The following CYFIP2 variants were observed in gnomAD, a reference collection of about 807,000 sequenced individuals.
CYFIP2 encodes the protein cytoplasmic FMR1 interacting protein 2.
Under a neutral mutation model 158.7 loss-of-function variants are expected in CYFIP2, and 29 were observed. That is an observed-to-expected ratio of 0.18 (90% CI 0.14 to 0.25). The LOEUF is 0.25. Among genes scored for constraint, CYFIP2 ranks in the 10% least tolerant of loss-of-function variants. The probability of loss-of-function intolerance (pLI) is 1.00; values close to 1 mark genes in which losing one functional copy is unlikely to be tolerated. For synonymous variants in CYFIP2, 585 were observed against 617.6 expected (o/e 0.95, Z 0.78); for missense variants, 852 against 1,639.5 (o/e 0.52, Z 8.29).
chr5:157,331,750 T>C (rs535033304), intron 20 of CYFIP2, among the ~76,000 whole-genome samples: 1 of 152,344 alleles, frequency 6.6e-6, no homozygotes, highest in Non-Finnish European at 1.5e-5. Context: ...GGATATTAAA[T>C]ACTGAGGGCT....
intron 17 of CYFIP2, 57 bp from the exon 18 acceptor site, chr5:157,326,114 C>A: frequency 7.9e-7 from 1 of 1,258,110 alleles, no homozygotes; most frequent in Non-Finnish European, 1.2e-6. Context: ...AAGTATAAAG[C>A]TGTCTTCCTT....
At chr5:157,381,363 A>T (rs540712756) in intron 26 of CYFIP2, among the ~76,000 whole-genome samples, 15 of 56,494 alleles carry the variant, frequency 2.7e-4, no homozygotes, top group South Asian at 2.0e-3. Context: ...TAGGTATGAT[A>T]AAAAAAAAAA....
intron 26 of CYFIP2, chr5:157,377,097 C>T (rs1765558701): frequency 6.5e-6 from 2 of 308,716 alleles, no homozygotes; most frequent in African/African-American, 4.5e-5. Context: ...TACTCCTGGC[C>T]CTGCTTTCTC....
intron 28 of CYFIP2, among the ~76,000 whole-genome samples, chr5:157,387,859 A>G (rs1453128186): frequency 6.6e-6 from 1 of 152,060 alleles, no homozygotes; most frequent in Non-Finnish European, 1.5e-5. Flanking sequence ...TCTTTTTCCT[A>G]GATTTCTTTC....
chr5:157,367,502 T>C (rs963335941), intron 26 of CYFIP2, among the ~76,000 whole-genome samples: 1 of 152,176 alleles, frequency 6.6e-6, no homozygotes, highest in African/African-American at 2.4e-5. Flanking sequence ...AGATGTGCCT[T>C]GGAGTCCAAA....
At chr5:157,270,168 G>T (rs950561946) in intron 1 of CYFIP2, among the ~76,000 whole-genome samples, 9 of 152,210 alleles carry the variant, frequency 5.9e-5, no homozygotes, top group African/African-American at 2.2e-4. Flanking sequence ...ACCCAGTGAT[G>T]ACTTCATCAG....
chr5:157,270,622 C>G (rs1002608405), intron 1 of CYFIP2, among the ~76,000 whole-genome samples: 2 of 152,080 alleles, frequency 1.3e-5, no homozygotes, highest in African/African-American at 4.8e-5. Context: ...AGAGGTCAGC[C>G]CCCTATCTCC....
At chr5:157,365,658 G>T (rs924453342) in intron 26 of CYFIP2, among the ~76,000 whole-genome samples, 2 of 151,672 alleles carry the variant, frequency 1.3e-5, no homozygotes, top group African/African-American at 4.8e-5. Context: ...TACCATAGAT[G>T]GTTCTTTCAT....
intron 22 of CYFIP2, 25 bp downstream of exon 22, chr5:157,339,281 G>T (rs371638826): frequency 5.6e-6 from 9 of 1,599,372 alleles, no homozygotes; most frequent in Non-Finnish European, 6.8e-6. Flanking sequence ...GTGCAGAGGG[G>T]GCCGGGTGGG....
intron 15 of CYFIP2, among the ~76,000 whole-genome samples, chr5:157,323,286 G>C (rs1326720068): frequency 6.6e-6 from 1 of 152,336 alleles, no homozygotes; most frequent in East Asian, 1.9e-4. Context: ...AGGCTGTGCA[G>C]TGCAGCTGAT....
chr5:157,328,058 G>A lies in CYFIP2; in HGVS notation c.2156+9G>A. The stretch of plus-strand genomic sequence containing the variant: ...AAAGCCATGGCTGGCAGGTAGGAAA[G>A]CCCCAGAGCTGTGAGTAGCAATCTC... On this transcript the variant is annotated intron_variant, in intron 19 of 30. Transcript: ENST00000620254. The A allele has an allele frequency of 6.2e-7, 1 of 1,613,398 alleles. No homozygotes were observed. Among genetic ancestry groups the A allele is most frequent in the South Asian group, 1.1e-5 (1 of 91,000 alleles).
chr5:157,392,727 G>A (rs76406170), intron 30 of CYFIP2, 106 bp from the exon 31 acceptor site: 1 of 1,243,482 alleles, frequency 8.0e-7, no homozygotes, highest in East Asian at 2.4e-5. Flanking sequence ...AAAGTGACAT[G>A]ATCACTGATG....
intron 23 of CYFIP2, among the ~76,000 whole-genome samples, chr5:157,351,477 T>C (rs972210876): frequency 3.3e-5 from 5 of 152,222 alleles, no homozygotes; most frequent in African/African-American, 9.7e-5. Flanking sequence ...ACTCAGAAAC[T>C]TGGGAACTTT....
chr5:157,381,961 G>T (rs979791491), intron 26 of CYFIP2, among the ~76,000 whole-genome samples: 3 of 151,410 alleles, frequency 2.0e-5, no homozygotes, highest in Non-Finnish European at 4.4e-5. Flanking sequence ...AGGACAGTAA[G>T]CCCATGAGAC....
At chr5:157,337,687 G>A (rs1761959108) in intron 21 of CYFIP2, among the ~76,000 whole-genome samples, 1 of 152,328 alleles carries the variant, frequency 6.6e-6, no homozygotes, top group South Asian at 2.1e-4. Flanking sequence ...TTGAATCCTT[G>A]GCATGAGGCT....
At chr5:157,290,457 G>A (rs1757727310) in intron 3 of CYFIP2, among the ~76,000 whole-genome samples, 1 of 152,140 alleles carries the variant, frequency 6.6e-6, no homozygotes, top group African/African-American at 2.4e-5. Flanking sequence ...TTTTGCTTAT[G>A]AGTACCTTGT....
chr5:157,366,321 T>C (rs1304759700), intron 26 of CYFIP2, among the ~76,000 whole-genome samples: 3 of 152,236 alleles, frequency 2.0e-5, no homozygotes, highest in Non-Finnish European at 4.4e-5. Flanking sequence ...TATGGATACA[T>C]GTATTGCAGA....
intron 2 of CYFIP2, among the ~76,000 whole-genome samples, chr5:157,286,711 A>G (rs1264646169): frequency 6.6e-6 from 1 of 152,164 alleles, no homozygotes. Flanking sequence ...TGCCGAATCA[A>G]AGCAATGCAC....
intron 4 of CYFIP2, 24 bp downstream of exon 4, chr5:157,294,884 C>T (rs763395154): frequency 6.2e-7 from 1 of 1,600,354 alleles, no homozygotes; most frequent in Admixed American, 1.7e-5. Flanking sequence ...TGTTGTGTGT[C>T]TCTTTCCCCT....
Sources: allele counts gnomAD v4.1 joint callset (sites outside exome capture counted in the v4.1 genomes callset), GRCh38; gene constraint gnomAD v4.1.1; transcripts MANE v1.5; gene names NCBI Gene and HGNC (gene_info 2026-07-23, HGNC 2026-07-21).